CDC42BPA: variants seen among roughly 807,000 people sequenced by gnomAD.
The protein encoded by CDC42BPA is CDC42 binding protein kinase alpha, also known as serine/threonine-protein kinase MRCK alpha.
In CDC42BPA, 80 loss-of-function variants were observed where a neutral mutation model predicts 223.5. That is an observed-to-expected ratio of 0.36 (90% CI 0.30 to 0.43). The LOEUF (loss-of-function observed/expected upper bound fraction) is 0.43, where lower values mean the gene tolerates loss of function less well. Ranked by LOEUF, CDC42BPA falls within the 20% of genes least tolerant of loss-of-function variation. The pLI, the probability that CDC42BPA is intolerant of heterozygous loss-of-function variation, is 1.00. For synonymous variants in CDC42BPA, 694 were observed against 718.6 expected, an observed-to-expected ratio of 0.97 and a Z score of 0.55; for missense variants, 1,743 against 2,099.9, an observed-to-expected ratio of 0.83 and a Z score of 3.32.
rs186989413 is a variant in CDC42BPA, at chr1:227,304,294, T to A, written c.178+12711A>T. Reference sequence around the variant, plus strand: ...AGTAGCACATGTCTGCAGTCCCAGCTACTCAGGAGGCTGAGGCAGAAGAAT... The same window carrying A: ...AGTAGCACATGTCTGCAGTCCCAGCAACTCAGGAGGCTGAGGCAGAAGAAT... On this transcript the variant is annotated intron_variant, in intron 1 of 36. Transcript: ENST00000366766. Among the ~76,000 whole-genome samples, 256 of 151,990 alleles carry A rather than the reference T, an allele frequency of 1.7e-3. 3 individuals are homozygous for A. Among genetic ancestry groups the A allele is most frequent in the African/African-American group, 5.4e-3 (222 of 41,432 alleles).
chr1:227,181,921 A>T (rs1359761172), intron 5 of CDC42BPA, among the ~76,000 whole-genome samples: 1 of 152,218 alleles, frequency 6.6e-6, no homozygotes, highest in Non-Finnish European at 1.5e-5. Flanking sequence ...TCCCTACTTC[A>T]ACCTCCAACA....
At chr1:227,171,421 G>T (rs1243698434) in intron 5 of CDC42BPA, among the ~76,000 whole-genome samples, 1 of 152,174 alleles carries the variant, frequency 6.6e-6, no homozygotes, top group African/African-American at 2.4e-5. Context: ...AGGAGTTTAT[G>T]ACCAGCGTGA....
intron 35 of CDC42BPA, among the ~76,000 whole-genome samples, chr1:226,999,468 G>A (rs1052149642): frequency 8.5e-5 from 13 of 152,056 alleles, no homozygotes; most frequent in Non-Finnish European, 1.2e-4. Context: ...GAGCCACCGC[G>A]CCCAGCCTAG....
At chr1:227,255,827 C>A (rs781296868) in intron 1 of CDC42BPA, among the ~76,000 whole-genome samples, 47 of 152,076 alleles carry the variant, frequency 3.1e-4, no homozygotes, top group Non-Finnish European at 5.9e-5. Flanking sequence ...GAAAAGACAT[C>A]CAGTATTCTA....
At chr1:227,212,544 T>C (rs1513610) in intron 3 of CDC42BPA, among the ~76,000 whole-genome samples, 47,408 of 151,748 alleles carry the variant, frequency 0.31, 7,584 homozygotes, top group East Asian at 0.37. Flanking sequence ...AGAAGTCCAC[T>C]CCAAATCTAT....
chr1:227,313,599 C>G (rs1447163738), intron 1 of CDC42BPA, among the ~76,000 whole-genome samples: 3 of 151,698 alleles, frequency 2.0e-5, no homozygotes, highest in Non-Finnish European at 4.4e-5. Context: ...TAAATGTAAT[C>G]ATCTGTATTA....
intron 22 of CDC42BPA, 100 bp downstream of exon 22, chr1:227,051,781 C>A: frequency 1.7e-6 from 1 of 589,486 alleles, no homozygotes; most frequent in Non-Finnish European, 3.0e-6. Context: ...TAACTTATTA[C>A]ATATTTGGTT....
intron 2 of CDC42BPA, among the ~76,000 whole-genome samples, chr1:227,238,292 A>C (rs934480512): frequency 6.6e-6 from 1 of 151,734 alleles, no homozygotes; most frequent in Non-Finnish European, 1.5e-5. Flanking sequence ...CAGGAGTTTG[A>C]GGCTACAGTG....
chr1:227,036,671 C>T (rs1029693165), intron 24 of CDC42BPA, among the ~76,000 whole-genome samples: 7 of 151,988 alleles, frequency 4.6e-5, no homozygotes, highest in East Asian at 1.9e-4. Flanking sequence ...CCTCGTGATC[C>T]GCCCGCCTGG....
chr1:227,290,273 T>A (rs900461191), intron 1 of CDC42BPA, among the ~76,000 whole-genome samples: 1 of 152,118 alleles, frequency 6.6e-6, no homozygotes, highest in Non-Finnish European at 1.5e-5. Context: ...AAGAGTAAGC[T>A]CAAAATGTCA....
At chr1:227,247,178 C>G (rs973923924) in intron 2 of CDC42BPA, among the ~76,000 whole-genome samples, 1 of 147,458 alleles carries the variant, frequency 6.8e-6, no homozygotes. Context: ...CTAGCCTGGG[C>G]AACAGAGCGA....
intron 4 of CDC42BPA, among the ~76,000 whole-genome samples, chr1:227,196,917 T>G (rs573084771): frequency 1.3e-5 from 2 of 152,264 alleles, no homozygotes; most frequent in South Asian, 4.1e-4. Context: ...TGATAAAAAT[T>G]TTATGTGTCA....
At chr1:227,149,389 G>C (rs1661313379) in intron 6 of CDC42BPA, among the ~76,000 whole-genome samples, 1 of 152,064 alleles carries the variant, frequency 6.6e-6, no homozygotes, top group South Asian at 2.1e-4. Flanking sequence ...CTCAAATTTG[G>C]CAGATATAAT....
chr1:227,104,025 ACTT>A (rs1297708724), intron 14 of CDC42BPA, among the ~76,000 whole-genome samples: 1 of 152,140 alleles, frequency 6.6e-6, no homozygotes, highest in Non-Finnish European at 1.5e-5. Flanking sequence ...TGCTGAAAAC[ACTT>A]CAAAAAGTAA....
At chr1:227,171,013 G>A (rs920905020) in intron 5 of CDC42BPA, among the ~76,000 whole-genome samples, 2 of 152,152 alleles carry the variant, frequency 1.3e-5, no homozygotes, top group Non-Finnish European at 2.9e-5. Flanking sequence ...AGTCAGTGAC[G>A]TCTTGCAAAT....
chr1:227,172,105 CTTAA>C (rs1666204764), intron 5 of CDC42BPA, among the ~76,000 whole-genome samples: 1 of 152,104 alleles, frequency 6.6e-6, no homozygotes, highest in African/African-American at 2.4e-5. Context: ...GAAATTGTCT[CTTAA>C]TTTTGTCAAA....
At chr1:227,159,094 C>A (rs1188267061) in intron 6 of CDC42BPA, among the ~76,000 whole-genome samples, 1 of 152,278 alleles carries the variant, frequency 6.6e-6, no homozygotes, top group African/African-American at 2.4e-5. Context: ...CAGTTCCTTA[C>A]AGTGGGAGTG....
At chr1:227,132,187 C>A (rs1161259004) in intron 10 of CDC42BPA, among the ~76,000 whole-genome samples, 1 of 152,016 alleles carries the variant, frequency 6.6e-6, no homozygotes, top group East Asian at 1.9e-4. Flanking sequence ...CCTCTGATGC[C>A]GAGCCAAAGC....
chr1:227,107,827 T>C (rs561401912), intron 14 of CDC42BPA, among the ~76,000 whole-genome samples: 1 of 152,112 alleles, frequency 6.6e-6, no homozygotes, highest in Non-Finnish European at 1.5e-5. Context: ...GTTATTTGTA[T>C]CCTTCTAAGA....
Sources: gnomAD v4.1 joint callset for allele counts (sites outside exome capture counted in the v4.1 genomes callset) on GRCh38, gnomAD v4.1.1 for gene constraint, MANE v1.5 for transcripts, NCBI Gene and HGNC (gene_info 2026-07-23, HGNC 2026-07-21) for gene names.